Variants in ZNF26 observed in about 807,000 individuals in gnomAD.
The protein encoded by ZNF26 is zinc finger protein 26.
A neutral mutation model predicts 54.9 loss-of-function variants in ZNF26; 32 were observed. That is an observed-to-expected ratio of 0.58 (90% CI 0.44 to 0.78). ZNF26 has a LOEUF of 0.78. ZNF26 is among the 30% of genes least tolerant of loss of function. The pLI, the probability that ZNF26 is intolerant of heterozygous loss-of-function variation, is 0.00. For synonymous variants in ZNF26, 221 were observed against 209.2 expected, an observed-to-expected ratio of 1.06 and a Z score of -0.49; for missense variants, 524 against 634.0, an observed-to-expected ratio of 0.83 and a Z score of 1.86.
rs1953557983 is a variant in ZNF26 at position 133,015,752 on chromosome 12, A to G, written c.*4271A>G. On this transcript the variant is annotated 3_prime_UTR_variant, in exon 4 of 4. Transcript: ENST00000328654. ...GAGGACAGTCTTCTGAGTAGAGGGC[A>G]TAGGAGTTCCCAAAGAGGAAAGTCC... 1 of 152,272 alleles carries G rather than the reference A, an allele frequency of 6.6e-6. No homozygotes were observed. The highest frequency in any genetic ancestry group is 2.1e-4 in the South Asian group (1 of 4,838). The allele number at this position is 152,272 out of a possible 1,614,324, so 9.4% of individuals were successfully genotyped here. A position where few individuals can be genotyped will look rare whatever the true frequency, so the allele number is the denominator to read the frequency against.
chr12:133,013,333 T>C lies in ZNF26; in HGVS notation c.*1852T>C, dbSNP rs1953521298. On this transcript the variant is annotated 3_prime_UTR_variant, in exon 4 of 4. Transcript: ENST00000328654. Reference sequence around the variant, plus strand: ...AGGTGGTGGGAATCAAATAGTATATTTGGCTTGGTGAATTAAAGTCAGTTC... The same window carrying C: ...AGGTGGTGGGAATCAAATAGTATATCTGGCTTGGTGAATTAAAGTCAGTTC... 6.6e-6 allele frequency: 1 copy of C among 152,320 alleles called. No homozygotes were observed. The highest frequency in any genetic ancestry group is 2.4e-5 in the African/African-American group (1 of 41,442). The allele number at this position is 152,320 out of a possible 1,614,324, so 9.4% of individuals were successfully genotyped here. A position where few individuals can be genotyped will look rare whatever the true frequency, so the allele number is the denominator to read the frequency against.
intron 1 of ZNF26, among the ~76,000 whole-genome samples, chr12:133,000,531 T>C (rs1784299042): frequency 6.6e-6 from 1 of 151,236 alleles, no homozygotes; most frequent in Non-Finnish European, 1.5e-5. Context: ...TTCACGCCAT[T>C]CTCCTGCCTC....
intron 1 of ZNF26, among the ~76,000 whole-genome samples, chr12:132,995,803 C>G (rs1953069470): frequency 2.0e-5 from 3 of 152,116 alleles, no homozygotes; most frequent in Non-Finnish European, 4.4e-5. Context: ...AGTTGCCCAC[C>G]ACCATGCCTG....
chr12:132,993,965 C>A (rs1026889302), intron 1 of ZNF26, among the ~76,000 whole-genome samples: 9 of 152,124 alleles, frequency 5.9e-5, no homozygotes, highest in Non-Finnish European at 1.5e-5. Flanking sequence ...AAGTATTTCC[C>A]AGGCCACCCC....
chr12:132,998,607 G>A (rs1953143141), intron 1 of ZNF26, among the ~76,000 whole-genome samples: 1 of 152,172 alleles, frequency 6.6e-6, no homozygotes, highest in Admixed American at 6.6e-5. Flanking sequence ...AATACCATGA[G>A]GTTCCTGAGC....
rs1953516838 is a variant in ZNF26, at chr12:133,013,058, GT to G, written c.*1580del. The stretch of plus-strand genomic sequence containing the variant: ...AGCCATCATGTGAAATATGGTTATT[GT>G]TTCTGTACACCTGGAACGTTGTAGT... On this transcript the variant is annotated 3_prime_UTR_variant, in exon 4 of 4. Coordinates refer to ENST00000328654, the MANE Select transcript of ZNF26 (RefSeq NM_019591.4). The G allele has an allele frequency of 1.3e-5, 2 of 152,138 alleles. 1 individual carries two copies. Among genetic ancestry groups the G allele is most frequent in the South Asian group, 4.1e-4 (2 of 4,830 alleles). 9.4% of individuals were successfully genotyped at this position (152,138 alleles called of 1,614,324 possible).
rs1241538516 is a variant in ZNF26, at chr12:133,011,104, A to C, written c.1225A>C (p.Ser409Arg). 4.3e-6 allele frequency: 7 copies of C among 1,614,168 alleles called. No homozygotes were observed. The highest frequency in any genetic ancestry group is 5.1e-6 in the Non-Finnish European group (6 of 1,180,024). ...GCSECGKAFS[S>R]KSYLVIHRRT... ...CAGTGAATGTGGGAAGGCTTTCAGC[A>C]GCAAGTCATACCTTGTTATACATAG... The change falls in exon 4 of 4, where the codon AGC becomes CGC. Residue 409 changes from serine (S) to arginine (R), a missense_variant. Ser to Arg is a moderately radical substitution (Grantham distance 110). Coordinates refer to ENST00000328654, the MANE Select transcript of ZNF26 (RefSeq NM_019591.4).
Position 133,026,459 on chromosome 12 carries a change from T to C in ZNF26, c.*14978T>C, listed in dbSNP as rs1387909775. 1 of 151,816 alleles carries C rather than the reference T, an allele frequency of 6.6e-6. No individual in the cohort carries two copies. The highest frequency in any genetic ancestry group is 1.5e-5 in the Non-Finnish European group (1 of 67,986). The allele number at this position is 151,816 out of a possible 1,614,324, so 9.4% of individuals were successfully genotyped here. The stretch of plus-strand genomic sequence containing the variant: ...AATAAGTCACTAAATTTTGAGGTGT[T>C]CTGTTATGTAGAAGAGTGACTGGAC... On this transcript the variant is annotated 3_prime_UTR_variant, in exon 4 of 4. Coordinates refer to ENST00000328654, the MANE Select transcript of ZNF26 (RefSeq NM_019591.4).
chr12:133,024,675 C>CCCTTCA lies in ZNF26; in HGVS notation c.*13195_*13200dup, dbSNP rs1406020793. The CCCTTCA allele has an allele frequency of 6.6e-6, 1 of 152,086 alleles. No individual in the cohort carries two copies. The highest frequency in any genetic ancestry group is 1.5e-5 in the Non-Finnish European group (1 of 68,014). The allele number at this position is 152,086 out of a possible 1,614,324, so 9.4% of individuals were successfully genotyped here. Reference sequence around the variant, plus strand: ...AGATCTGAAGCGGTGCCTCCTGACCCCCTTCAATGAATAAACAAAAAGGAC... The same window carrying CCCTTCA: ...AGATCTGAAGCGGTGCCTCCTGACCCCCTTCACCTTCAATGAATAAACAAAAAGGAC... On this transcript the variant is annotated 3_prime_UTR_variant, in exon 4 of 4. Coordinates refer to ENST00000328654, the MANE Select transcript of ZNF26 (RefSeq NM_019591.4).
At position 133,025,174 on chromosome 12, in the gene ZNF26, A is replaced by G. The variant is rs1028612197; in HGVS notation, c.*13693A>G. On this transcript the variant is annotated 3_prime_UTR_variant, in exon 4 of 4. Coordinates refer to ENST00000328654, the MANE Select transcript of ZNF26 (RefSeq NM_019591.4). ...TAGGATTTATGGATTTCTATGGAAC[A>G]GTGACTACTCTGTGCCTCCTCTTGT... The G allele has an allele frequency of 1.1e-4, 17 of 152,362 alleles. No homozygotes were observed. Among genetic ancestry groups the G allele is most frequent in the Middle Eastern group, 3.4e-3 (1 of 294 alleles). 9.4% of individuals were successfully genotyped at this position (152,362 alleles called of 1,614,324 possible).
intron 1 of ZNF26, among the ~76,000 whole-genome samples, chr12:132,999,272 A>T (rs1165639518): frequency 6.6e-6 from 1 of 152,116 alleles, no homozygotes; most frequent in African/African-American, 2.4e-5. Context: ...TGTTTGTTTG[A>T]GATGGAGTTT....
In ZNF26 at chr12:133,001,229, TG is replaced by T. The variant is rs1380405931; in HGVS notation, c.34-5811del. On this transcript the variant is annotated intron_variant, in intron 1 of 3. Transcript: ENST00000328654. This position sits in a 1 kb window ranked among gnomAD's most constrained non-coding sequence, Gnocchi z 4.7. Reference sequence around the variant, plus strand: ...GTCGTGAGGAGAGCTGATGATGCTCTGGTCACAGCCTTGTTTGTTATTGACT... The same window carrying T: ...GTCGTGAGGAGAGCTGATGATGCTCTGTCACAGCCTTGTTTGTTATTGACT... Among the ~76,000 whole-genome samples, 14 of 152,184 alleles carry T rather than the reference TG, an allele frequency of 9.2e-5. No individual in the cohort carries two copies. Among genetic ancestry groups the T allele is most frequent in the Non-Finnish European group, 2.1e-4 (14 of 68,036 alleles).
chr12:133,002,717 G>A (rs1263000073), intron 1 of ZNF26, among the ~76,000 whole-genome samples: 1 of 151,908 alleles, frequency 6.6e-6, no homozygotes, highest in Non-Finnish European at 1.5e-5. Flanking sequence ...TCCACCTCAT[G>A]GGTTCAAGCG....
In ZNF26 at chr12:133,011,348, C is replaced by T; in HGVS notation, c.1469C>T (p.Ala490Val). 6.2e-7 allele frequency: 1 copy of T among 1,614,032 alleles called. No homozygotes were observed. Among genetic ancestry groups the T allele is most frequent in the African/African-American group, 1.3e-5 (1 of 75,030 alleles). ...TTTAAATGCAGTGAATGTGGAAAAG[C>T]CTTCACTCAGAAGTCATCTCTCAGT... The part of the protein sequence containing the change: ...KPFKCSECGK[A>V]FTQKSSLSEH... Residue 490 changes from alanine (A) to valine (V), a missense_variant, in exon 4 of 4, where the codon GCC becomes GTC. Ala to Val is a moderately conservative substitution (Grantham distance 64). Transcript: ENST00000328654.
At chr12:132,987,899 A>G (rs975850622) in intron 1 of ZNF26, 2 of 173,520 alleles carry the variant, frequency 1.2e-5, no homozygotes, top group African/African-American at 2.4e-5. Flanking sequence ...TCAGTTGACT[A>G]TATTTATATG....
chr12:133,007,399 C>T (rs1337441068), intron 2 of ZNF26, 38 bp from the exon 3 acceptor site: 2 of 1,558,450 alleles, frequency 1.3e-6, no homozygotes, highest in South Asian at 1.2e-5. Flanking sequence ...CTGTCCCTAA[C>T]AGCCTGGTCC....
At position 133,022,946 on chromosome 12, in the gene ZNF26, CA is replaced by C. The variant is rs1953661699; in HGVS notation, c.*11469del. The C allele has an allele frequency of 6.6e-6, 1 of 152,084 alleles. No homozygotes were observed. The highest frequency in any genetic ancestry group is 1.5e-5 in the Non-Finnish European group (1 of 68,000). The allele number at this position is 152,084 out of a possible 1,614,324, so 9.4% of individuals were successfully genotyped here. ...GGAAAAAAAGCTAGAAAATGATAAT[CA>C]AAATCTTTAGGATAGTGTCTACACC... On this transcript the variant is annotated 3_prime_UTR_variant, in exon 4 of 4. Transcript: ENST00000328654.
chr12:133,006,130 C>G lies in ZNF26; in HGVS notation c.34-912C>G, dbSNP rs1296662193. On this transcript the variant is annotated intron_variant, in intron 1 of 3. Coordinates refer to ENST00000328654, the MANE Select transcript of ZNF26 (RefSeq NM_019591.4). ...TTCCCTGCTGTTCCCTCCCAGCCCC[C>G]ACTCTTTGCTGTTGCTTAGAATGCA... The G allele has an allele frequency of 2.2e-5, 22 of 985,268 alleles. No homozygotes were observed. In the Admixed American group the frequency reaches 6.8e-4, roughly 30 times the overall value. 61.0% of individuals were successfully genotyped at this position (985,268 alleles called of 1,614,324 possible). A position where few individuals can be genotyped will look rare whatever the true frequency, so the allele number is the denominator to read the frequency against.
Position 133,010,926 on chromosome 12 carries a change from A to G in ZNF26, c.1047A>G (p.Lys349=), listed in dbSNP as rs1173978894. ...EKPYQCSDCG[K]AFNMKTQLIV... Reference sequence around the variant, plus strand: ...CCTATCAATGCAGTGATTGTGGGAAAGCCTTCAATATGAAGACACAACTCA... The same window carrying G: ...CCTATCAATGCAGTGATTGTGGGAAGGCCTTCAATATGAAGACACAACTCA... The change falls in exon 4 of 4, where the codon AAA becomes AAG. Residue 349 remains lysine (K), a synonymous_variant. Coordinates refer to ENST00000328654, the MANE Select transcript of ZNF26 (RefSeq NM_019591.4). The G allele has an allele frequency of 3.7e-6, 6 of 1,614,036 alleles. No homozygotes were observed. In the African/African-American group the frequency reaches 5.3e-5, roughly 14 times the overall value.
Sources: gnomAD v4.1 joint callset for allele counts (sites outside exome capture counted in the v4.1 genomes callset) on GRCh38, gnomAD v4.1.1 for gene constraint, Gnocchi (gnomAD v3.1) non-coding constraint, MANE v1.5 for transcripts, NCBI Gene and HGNC (gene_info 2026-07-23, HGNC 2026-07-21) for gene names.